Variants in TOGARAM1 observed in about 807,000 individuals in gnomAD.
TOGARAM1 encodes TOG array regulator of axonemal microtubules 1.
TOGARAM1 carries 100 observed loss-of-function variants against 166.6 expected under a neutral mutation model. The ratio of observed to expected loss-of-function variants is 0.60; its 90% confidence interval spans 0.51 to 0.71. The LOEUF (loss-of-function observed/expected upper bound fraction) is 0.71. Ranked by LOEUF, TOGARAM1 falls within the 30% of genes least tolerant of loss-of-function variation. TOGARAM1 has a pLI of 0.00. For missense variants in TOGARAM1, 2,029 were observed against 2,102.7 expected, an observed-to-expected ratio of 0.96 and a Z score of 0.69; for synonymous variants, 758 against 763.8, an observed-to-expected ratio of 0.99 and a Z score of 0.13.
Position 44,999,400 on chromosome 14 carries a change from A to G in TOGARAM1, c.2241A>G (p.Lys747=). The change falls in exon 3 of 20, where the codon AAA becomes AAG. Residue 747 remains lysine (K), a synonymous_variant. Transcript: ENST00000361462. The part of the protein sequence containing the change: ...TGTHQTNLSG[K]CAQLGFSQIC... ...CTCATCAAACAAATCTTTCTGGGAA[A>G]TGTGCACAACTTGGATTTTCACAAA... is the stretch of plus-strand genomic sequence containing the variant. 6.2e-7 allele frequency: 1 copy of G among 1,610,336 alleles called. No homozygotes were observed. Among genetic ancestry groups the G allele is most frequent in the Non-Finnish European group, 8.5e-7 (1 of 1,177,726 alleles).
At chr14:45,059,885 C>T (rs1280815344) in intron 16 of TOGARAM1, among the ~76,000 whole-genome samples, 2 of 151,538 alleles carry the variant, frequency 1.3e-5, no homozygotes, top group Admixed American at 6.6e-5. Context: ...GCCACATTGA[C>T]ATCACCTAGG....
chr14:44,993,499 G>A (rs922443427), intron 1 of TOGARAM1, among the ~76,000 whole-genome samples: 5 of 152,206 alleles, frequency 3.3e-5, no homozygotes, highest in Middle Eastern at 3.4e-3. Flanking sequence ...CATCAATCAG[G>A]TGCTTTAAAT....
chr14:44,963,685 G>A lies in TOGARAM1; in HGVS notation c.1264G>A (p.Val422Ile), dbSNP rs774719524. The A allele has an allele frequency of 2.6e-5, 42 of 1,613,672 alleles. No homozygotes were observed. The East Asian group carries it at 8.7e-4, about 33-fold the overall frequency. The change falls in exon 1 of 20, where the codon GTT (valine) becomes ATT (isoleucine). Residue 422 changes from valine to isoleucine, a missense_variant. This residue lies in a region of TOGARAM1 where 1,453 missense variants were observed against 1,432.2 expected (regional missense o/e 1.01). Transcript: ENST00000361462. ...CACACTTGAAGTCCTGCATTTACTG[G>A]TTATTCGCCTTGGAGAGCAGGTACA... ...HGTLEVLHLL[V>I]IRLGEQVQQF...
At chr14:45,030,356 T>G (rs1485450221) in intron 10 of TOGARAM1, among the ~76,000 whole-genome samples, 1 of 152,196 alleles carries the variant, frequency 6.6e-6, no homozygotes, top group African/African-American at 2.4e-5. Context: ...TTAAGGGAAT[T>G]CTTAAAACTT....
At chr14:44,989,077 C>A (rs763704331) in intron 1 of TOGARAM1, among the ~76,000 whole-genome samples, 14 of 152,204 alleles carry the variant, frequency 9.2e-5, no homozygotes, top group Non-Finnish European at 1.6e-4. Context: ...TTGTTTTAAT[C>A]TACCATTTAG....
At chr14:45,035,291 C>T (rs761563784) in intron 11 of TOGARAM1, among the ~76,000 whole-genome samples, 10 of 151,648 alleles carry the variant, frequency 6.6e-5, no homozygotes, top group Non-Finnish European at 1.2e-4. Context: ...ACCCGGGAGG[C>T]GGAGGTTGCA....
Position 45,071,813 on chromosome 14 carries a change from A to G in TOGARAM1, c.5056+15A>G, listed in dbSNP as rs1411385994. 6.3e-7 allele frequency: 1 copy of G among 1,574,858 alleles called. No individual in the cohort carries two copies. The highest frequency in any genetic ancestry group is 1.2e-5 in the South Asian group (1 of 86,522). ...AAAGCTTGCTGGTAAATACTTTGTA[A>G]TTTCTAAAGAAATATTTTATTAACT... is the stretch of plus-strand genomic sequence containing the variant. On this transcript the variant is annotated intron_variant, in intron 19 of 19. Coordinates refer to ENST00000361462, the MANE Select transcript of TOGARAM1 (RefSeq NM_001308120.2).
chr14:45,017,177 TAAAG>T (rs1316043508), intron 7 of TOGARAM1, among the ~76,000 whole-genome samples: 1 of 152,168 alleles, frequency 6.6e-6, no homozygotes, highest in Non-Finnish European at 1.5e-5. Flanking sequence ...AGCATACTGA[TAAAG>T]AAAAATTAGT....
At chr14:45,071,909 G>T in intron 19 of TOGARAM1, 111 bp downstream of exon 19, 1 of 714,240 alleles carries the variant, frequency 1.4e-6, no homozygotes, top group Non-Finnish European at 2.3e-6. Flanking sequence ...TACCCACAAA[G>T]TAGAAATAAA....
rs371633827 is a variant in TOGARAM1, at chr14:44,963,675, G to C, written c.1254G>C (p.Leu418=). ...TGGTGCATGGCACACTTGAAGTCCT[G>C]CATTTACTGGTTATTCGCCTTGGAG... The part of the protein sequence containing the change: ...FKVVHGTLEV[L]HLLVIRLGEQ... Residue 418 remains leucine (L), a synonymous_variant, in exon 1 of 20, where the codon CTG becomes CTC. Transcript: ENST00000361462. 3.1e-6 allele frequency: 5 copies of C among 1,613,548 alleles called. No individual in the cohort carries two copies. In the East Asian group the frequency reaches 1.1e-4, roughly 36 times the overall value.
chr14:45,019,917 A>G (rs937024256), intron 7 of TOGARAM1, among the ~76,000 whole-genome samples: 1 of 152,140 alleles, frequency 6.6e-6, no homozygotes. Context: ...CATGCAGTTG[A>G]GATTTCCTCG....
chr14:45,068,811 T>C (rs1453304774), intron 18 of TOGARAM1, among the ~76,000 whole-genome samples, 168 bp downstream of exon 18: 2 of 152,176 alleles, frequency 1.3e-5, no homozygotes, highest in Non-Finnish European at 2.9e-5. Context: ...TTTTTAGTGA[T>C]TAAATTCTGT....
intron 14 of TOGARAM1, among the ~76,000 whole-genome samples, chr14:45,049,616 C>T (rs1882259687): frequency 6.6e-6 from 1 of 152,134 alleles, no homozygotes; most frequent in Admixed American, 6.5e-5. Context: ...CAGATCATGT[C>T]ATTACTTTAA....
chr14:44,992,090 A>C (rs1474417088), intron 1 of TOGARAM1, among the ~76,000 whole-genome samples: 6 of 149,304 alleles, frequency 4.0e-5, no homozygotes, highest in Non-Finnish European at 7.4e-5. Flanking sequence ...AAAAAAAAAA[A>C]AAAAAAAAAA....
At chr14:44,970,586 A>T (rs1046397148) in intron 1 of TOGARAM1, among the ~76,000 whole-genome samples, 2 of 152,172 alleles carry the variant, frequency 1.3e-5, no homozygotes, top group East Asian at 3.8e-4. Flanking sequence ...ATTGAAAAGC[A>T]GTGATGAGAG....
intron 6 of TOGARAM1, among the ~76,000 whole-genome samples, chr14:45,011,528 G>A (rs1459984049): frequency 5.9e-5 from 9 of 151,980 alleles, no homozygotes; most frequent in Non-Finnish European, 1.0e-4. Flanking sequence ...TGCCCAGGCT[G>A]GCCTTGAACT....
chr14:45,037,328 A>G (rs1594678968), intron 11 of TOGARAM1, among the ~76,000 whole-genome samples: 1 of 152,194 alleles, frequency 6.6e-6, no homozygotes, highest in Admixed American at 6.5e-5. Context: ...CTTGAAGTCA[A>G]CTGATTAGGG....
chr14:44,974,003 G>C (rs1028256657), intron 1 of TOGARAM1, among the ~76,000 whole-genome samples: 3 of 151,468 alleles, frequency 2.0e-5, no homozygotes, highest in Non-Finnish European at 4.4e-5. Context: ...TAGTTTTTCT[G>C]ACCTTTCTCC....
chr14:45,015,974 C>T (rs1175843602), intron 7 of TOGARAM1, among the ~76,000 whole-genome samples: 1 of 151,822 alleles, frequency 6.6e-6, no homozygotes, highest in Non-Finnish European at 1.5e-5. Context: ...TCAGTTTTTT[C>T]GTTTTTCATG....
Sources: gnomAD v4.1 joint callset for allele counts (sites outside exome capture counted in the v4.1 genomes callset) on GRCh38, gnomAD v4.1.1 for gene constraint, gnomAD v4.1.1 regional missense constraint, MANE v1.5 for transcripts, NCBI Gene and HGNC (gene_info 2026-07-23, HGNC 2026-07-21) for gene names.